Variants in LHFPL3 observed in about 807,000 individuals in gnomAD.
LHFPL3 encodes LHFPL tetraspan subfamily member 3 protein.
A neutral mutation model predicts 19.3 loss-of-function variants in LHFPL3; 5 were observed. The observed-to-expected ratio is 0.26, with a 90% CI of 0.14 to 0.54. The LOEUF (loss-of-function observed/expected upper bound fraction) is 0.54, where lower values mean the gene tolerates loss of function less well. LHFPL3 is among the 20% of genes least tolerant of loss of function. The pLI is 0.94. For synonymous variants in LHFPL3, 133 were observed against 126.2 expected (o/e 1.05, Z -0.36); for missense variants, 249 against 307.4 (o/e 0.81, Z 1.42).
At chr7:104,343,146 C>T (rs1789990136) in intron 1 of LHFPL3, among the ~76,000 whole-genome samples, 1 of 152,026 alleles carries the variant, frequency 6.6e-6, no homozygotes, top group African/African-American at 2.4e-5. Context: ...CTCATGATGA[C>T]ATGAGCAGTT....
intron 1 of LHFPL3, among the ~76,000 whole-genome samples, chr7:104,723,002 C>T (rs922862680): frequency 1.3e-5 from 2 of 152,166 alleles, no homozygotes; most frequent in African/African-American, 4.8e-5. Context: ...ATCAGCAGGC[C>T]CACGTAACCC....
intron 1 of LHFPL3, among the ~76,000 whole-genome samples, chr7:104,449,170 A>ATT (rs1030734859): frequency 6.6e-6 from 1 of 152,196 alleles, no homozygotes; most frequent in African/African-American, 2.4e-5. Context: ...ATCTGTGCCC[A>ATT]TTTGTTTTTG....
chr7:104,720,317 C>T (rs537074496), intron 1 of LHFPL3, among the ~76,000 whole-genome samples: 2 of 152,212 alleles, frequency 1.3e-5, no homozygotes, highest in African/African-American at 4.8e-5. Flanking sequence ...ATAAATGGTG[C>T]TGGGAAAACT....
intron 1 of LHFPL3, among the ~76,000 whole-genome samples, chr7:104,362,579 C>T (rs1030834012): frequency 6.6e-6 from 1 of 152,170 alleles, no homozygotes; most frequent in Non-Finnish European, 1.5e-5. Flanking sequence ...TTCCTCAATG[C>T]TATGTAAGGA....
chr7:104,748,658 A>T (rs1056398947), intron 2 of LHFPL3, among the ~76,000 whole-genome samples: 3 of 151,526 alleles, frequency 2.0e-5, no homozygotes, highest in African/African-American at 7.3e-5. Flanking sequence ...CTCTCCCCAC[A>T]ATTGTCTTGT....
intron 2 of LHFPL3, chr7:104,785,633 G>C (rs1789897939): frequency 1.3e-5 from 2 of 152,214 alleles, no homozygotes; most frequent in South Asian, 4.1e-4. Context: ...TTCACTGGCT[G>C]TCCAAACCCT....
chr7:104,667,533 T>C (rs982056311), intron 1 of LHFPL3, among the ~76,000 whole-genome samples: 3 of 152,220 alleles, frequency 2.0e-5, no homozygotes, highest in African/African-American at 7.2e-5. Flanking sequence ...GTCTGGGTGA[T>C]GAACTTATGG....
intron 1 of LHFPL3, among the ~76,000 whole-genome samples, chr7:104,629,171 G>T (rs759532): frequency 0.72 from 109,655 of 152,020 alleles, 40,099 homozygotes; most frequent in East Asian, 0.93. Flanking sequence ...ATAGTGTCAG[G>T]GTTCTCCCAC....
At chr7:104,860,326 T>C (rs1378825793) in intron 2 of LHFPL3, among the ~76,000 whole-genome samples, 2 of 152,200 alleles carry the variant, frequency 1.3e-5, no homozygotes, top group Non-Finnish European at 2.9e-5. Context: ...GAACCTTGCA[T>C]GGTGTAGTTA....
chr7:104,640,471 A>G (rs1293828761), intron 1 of LHFPL3, among the ~76,000 whole-genome samples: 2 of 152,226 alleles, frequency 1.3e-5, no homozygotes, highest in Non-Finnish European at 2.9e-5. Flanking sequence ...TTATGGCTAC[A>G]TAGTATTCCA....
At chr7:104,749,638 G>A (rs200929709) in intron 2 of LHFPL3, among the ~76,000 whole-genome samples, 21,046 of 143,644 alleles carry the variant, frequency 0.15, 741 homozygotes, top group East Asian at 0.55. Context: ...CGGCGTTTAC[G>A]GCCCTTAAGT....
intron 2 of LHFPL3, among the ~76,000 whole-genome samples, chr7:104,903,461 AC>A (rs1435381340): frequency 1.5e-5 from 2 of 129,130 alleles, no homozygotes; most frequent in East Asian, 5.0e-4. Context: ...TTCTAGTTAT[AC>A]TTTTTTTTTT....
At chr7:104,688,282 C>T (rs1239811014) in intron 1 of LHFPL3, among the ~76,000 whole-genome samples, 1 of 152,168 alleles carries the variant, frequency 6.6e-6, no homozygotes, top group East Asian at 1.9e-4. Context: ...TACCCAGCCT[C>T]CAGTCTTCTA....
At chr7:104,428,692 T>C (rs10259622) in intron 1 of LHFPL3, among the ~76,000 whole-genome samples, 2 of 152,214 alleles carry the variant, frequency 1.3e-5, no homozygotes, top group Admixed American at 1.3e-4. Flanking sequence ...TAAAATAACT[T>C]GAAAACTCTA....
chr7:104,771,108 C>A (rs898734006), intron 2 of LHFPL3, among the ~76,000 whole-genome samples: 3 of 152,168 alleles, frequency 2.0e-5, no homozygotes, highest in African/African-American at 7.2e-5. Flanking sequence ...CCTTCCAGTT[C>A]TTTCTCCTCT....
At chr7:104,458,090 C>A (rs1223144543) in intron 1 of LHFPL3, among the ~76,000 whole-genome samples, 6 of 151,272 alleles carry the variant, frequency 4.0e-5, no homozygotes, top group Admixed American at 3.9e-4. Flanking sequence ...ATGGTAGTTT[C>A]TTTTGCTGTG....
chr7:104,393,674 C>T (rs1337593749), intron 1 of LHFPL3, among the ~76,000 whole-genome samples: 2 of 152,058 alleles, frequency 1.3e-5, no homozygotes, highest in Non-Finnish European at 2.9e-5. Flanking sequence ...CGAGACCATG[C>T]CACTGCACTC....
At chr7:104,630,977 T>A (rs1335898336) in intron 1 of LHFPL3, among the ~76,000 whole-genome samples, 4 of 152,044 alleles carry the variant, frequency 2.6e-5, no homozygotes, top group Admixed American at 2.6e-4. Context: ...GGCAGAGAAG[T>A]CATTGTGGTG....
At chr7:104,807,009 ATATGTGTGTGTGTGTG>A (rs755926289) in intron 2 of LHFPL3, among the ~76,000 whole-genome samples, 3 of 71,336 alleles carry the variant, frequency 4.2e-5, no homozygotes, top group Non-Finnish European at 8.6e-5. Flanking sequence ...ACCAAAATAT[ATATGTGTGTGTGTGTG>A]TGTGTGTGTG....
Sources: gnomAD v4.1 joint callset for allele counts (sites outside exome capture counted in the v4.1 genomes callset) on GRCh38, gnomAD v4.1.1 for gene constraint, MANE v1.5 for transcripts, NCBI Gene and HGNC (gene_info 2026-07-23, HGNC 2026-07-21) for gene names.